SPMAP2L: variants seen among roughly 807,000 people sequenced by gnomAD.
The protein encoded by SPMAP2L is sperm microtubule associated protein 2-like.
chr4:56,591,974 G>A, the SPMAP2L span, among the ~76,000 whole-genome samples: 5 of 152,252 alleles, frequency 3.3e-5, no homozygotes, highest in East Asian at 9.6e-4. Flanking sequence ...ACCCTTTATA[G>A]CAGGGATCCC....
chr4:56,567,462 T>TTTTTTTTTC, the SPMAP2L span, among the ~76,000 whole-genome samples: 1 of 134,732 alleles, frequency 7.4e-6, no homozygotes, highest in African/African-American at 2.9e-5. Flanking sequence ...TTTTTTTTTT[T>TTTTTTTTTC]TTTTTTTAGT....
chr4:56,607,807 G>A, the SPMAP2L span, among the ~76,000 whole-genome samples: 1 of 151,926 alleles, frequency 6.6e-6, no homozygotes, highest in African/African-American at 2.4e-5. Context: ...GGGCAACATA[G>A]GGACACCCCA....
the SPMAP2L span, chr4:56,584,507 G>A: frequency 2.0e-6 from 3 of 1,534,606 alleles, no homozygotes; most frequent in Non-Finnish European, 2.6e-6. Context: ...ACCCTTCAGT[G>A]ATAACTCAGC....
the SPMAP2L span, among the ~76,000 whole-genome samples, chr4:56,606,417 G>T: frequency 6.6e-6 from 1 of 152,144 alleles, no homozygotes; most frequent in East Asian, 1.9e-4. Flanking sequence ...CACACCCATT[G>T]AACTGTCTTC....
At chr4:56,561,098 TTACAGGC>T in the SPMAP2L span, among the ~76,000 whole-genome samples, 4 of 152,206 alleles carry the variant, frequency 2.6e-5, no homozygotes, top group Non-Finnish European at 5.9e-5. Flanking sequence ...AGAATGATAT[TTACAGGC>T]TACAATCATT....
chr4:56,599,636 G>C, the SPMAP2L span, among the ~76,000 whole-genome samples: 4 of 152,096 alleles, frequency 2.6e-5, no homozygotes, highest in Non-Finnish European at 4.4e-5. Flanking sequence ...TCCTTCTTAT[G>C]AGTGAGAACA....
the SPMAP2L span, among the ~76,000 whole-genome samples, chr4:56,576,097 A>C: frequency 2.0e-5 from 3 of 152,214 alleles, no homozygotes; most frequent in Admixed American, 6.5e-5. Context: ...GTTAGGTTGC[A>C]TTAGTGGAAT....
At chr4:56,546,463 G>A in the SPMAP2L span, among the ~76,000 whole-genome samples, 64 of 152,304 alleles carry the variant, frequency 4.2e-4, 2 homozygotes, top group East Asian at 0.012. Flanking sequence ...GGTCTGAGAT[G>A]TGGCCTGGGA....
the SPMAP2L span, among the ~76,000 whole-genome samples, chr4:56,598,195 G>A: frequency 6.6e-6 from 1 of 152,206 alleles, no homozygotes; most frequent in Non-Finnish European, 1.5e-5. Flanking sequence ...GCATTTAAAA[G>A]AGAGTAGTAG....
chr4:56,620,678 C>T, the SPMAP2L span, among the ~76,000 whole-genome samples: 1 of 152,256 alleles, frequency 6.6e-6, no homozygotes, highest in Non-Finnish European at 1.5e-5. Flanking sequence ...AGCCACCGCG[C>T]CCGACATCCT....
At chr4:56,605,202 A>G in the SPMAP2L span, among the ~76,000 whole-genome samples, 1 of 152,214 alleles carries the variant, frequency 6.6e-6, no homozygotes, top group African/African-American at 2.4e-5. Flanking sequence ...GTACAGTGGC[A>G]TAATTCATAT....
At chr4:56,625,373 A>T in the SPMAP2L span, among the ~76,000 whole-genome samples, 1 of 152,124 alleles carries the variant, frequency 6.6e-6, no homozygotes, top group South Asian at 2.1e-4. Context: ...AAATGAGTTA[A>T]GACTTTGGGG....
chr4:56,593,514 G>C, the SPMAP2L span: 2 of 1,600,174 alleles, frequency 1.2e-6, no homozygotes, highest in South Asian at 1.1e-5. Flanking sequence ...ATCAGAGTGG[G>C]AGCCTGGCCT....
At chr4:56,580,097 C>T in the SPMAP2L span, among the ~76,000 whole-genome samples, 1 of 152,004 alleles carries the variant, frequency 6.6e-6, no homozygotes, top group South Asian at 2.1e-4. Flanking sequence ...GATAATAAAA[C>T]CAGAAAAGAT....
At chr4:56,560,672 TC>T in the SPMAP2L span, among the ~76,000 whole-genome samples, 1 of 151,830 alleles carries the variant, frequency 6.6e-6, no homozygotes, top group Non-Finnish European at 1.5e-5. Flanking sequence ...AAGCAGTCCT[TC>T]TGCCTTAGCC....
chr4:56,532,959 C>A, the SPMAP2L span, among the ~76,000 whole-genome samples: 3 of 149,294 alleles, frequency 2.0e-5, no homozygotes, highest in Non-Finnish European at 4.4e-5. Flanking sequence ...CCTCCATGAA[C>A]CCCCCTATCA....
chr4:56,584,043 T>G, the SPMAP2L span, among the ~76,000 whole-genome samples: 1 of 152,076 alleles, frequency 6.6e-6, no homozygotes, highest in Non-Finnish European at 1.5e-5. Flanking sequence ...CTTGGCTCAC[T>G]GCAGCCTTGA....
the SPMAP2L span, among the ~76,000 whole-genome samples, chr4:56,598,335 C>T: frequency 2.0e-5 from 3 of 152,146 alleles, no homozygotes; most frequent in Non-Finnish European, 4.4e-5. Flanking sequence ...GTGCCAGAGC[C>T]AATTTTAGCT....
the SPMAP2L span, chr4:56,584,652 T>C: frequency 7.8e-7 from 1 of 1,282,060 alleles, no homozygotes; most frequent in Admixed American, 2.0e-5. Flanking sequence ...CTGATTGACT[T>C]GTAACATGCT....
Sources: gnomAD v4.1 joint callset for allele counts (sites outside exome capture counted in the v4.1 genomes callset) on GRCh38, gnomAD v4.1.1 for gene constraint, MANE v1.5 for transcripts, NCBI Gene and HGNC (gene_info 2026-07-23, HGNC 2026-07-21) for gene names.